SLC25A1: variants seen among roughly 807,000 people sequenced by gnomAD.
SLC25A1 encodes the protein tricarboxylate transport protein, mitochondrial.
A neutral mutation model predicts 38.1 loss-of-function variants in SLC25A1; 26 were observed. The ratio of observed to expected loss-of-function variants is 0.68; its 90% confidence interval spans 0.50 to 0.95. The LOEUF (loss-of-function observed/expected upper bound fraction) is 0.95, where lower values mean the gene tolerates loss of function less well. SLC25A1 is among the 40% of genes least tolerant of loss of function. The pLI is 0.00. For missense variants in SLC25A1, 378 were observed against 426.6 expected, an observed-to-expected ratio of 0.89 and a Z score of 1.00; for synonymous variants, 211 against 183.2, an observed-to-expected ratio of 1.15 and a Z score of -1.23.
intron 8 of SLC25A1, 84 bp downstream of exon 8, chr22:19,176,337 G>T: frequency 6.4e-7 from 1 of 1,557,024 alleles, no homozygotes; most frequent in South Asian, 1.1e-5. Flanking sequence ...AGGCACAGAG[G>T]CCTGAAGGGG....
In SLC25A1 at chr22:19,176,063, T is replaced by TTA. The variant is rs2083954366; in HGVS notation, c.*66_*67insTA. On this transcript the variant is annotated 3_prime_UTR_variant, in exon 9 of 9. Transcript: ENST00000215882. The stretch of plus-strand genomic sequence containing the variant: ...GCCTTTTGGCACTACTGCACTGGAA[T>TTA]CGTGAGACAAAGGTAGCAGGACACT... 1 of 947,576 alleles carries TTA rather than the reference T, an allele frequency of 1.1e-6. No individual in the cohort carries two copies. The highest frequency in any genetic ancestry group is 1.5e-6 in the Non-Finnish European group (1 of 665,844). 58.7% of individuals were successfully genotyped at this position (947,576 alleles called of 1,614,324 possible). A position where few individuals can be genotyped will look rare whatever the true frequency, so the allele number is the denominator to read the frequency against.
At position 19,177,929 on chromosome 22, in the gene SLC25A1, G is replaced by C; in HGVS notation, c.302+13C>G. 6.3e-7 allele frequency: 1 copy of C among 1,590,500 alleles called. No individual in the cohort carries two copies. Among genetic ancestry groups the C allele is most frequent in the South Asian group, 1.1e-5 (1 of 88,538 alleles). ...GAGCCCCCCTCCCGCAGCAGCCACC[G>C]GCCGGGCCTCACCTGACGGCCGCCT... On this transcript the variant is annotated intron_variant, in intron 3 of 8. Coordinates refer to ENST00000215882, the MANE Select transcript of SLC25A1 (RefSeq NM_005984.5).
Position 19,178,459 on chromosome 22 carries a change from A to G in SLC25A1, c.94+121T>C. The G allele has an allele frequency of 7.4e-7, 1 of 1,356,340 alleles. No individual in the cohort carries two copies. The highest frequency in any genetic ancestry group is 9.4e-7 in the Non-Finnish European group (1 of 1,060,360). The allele number at this position is 1,356,340 out of a possible 1,614,324, so 84.0% of individuals were successfully genotyped here. On this transcript the variant is annotated intron_variant, in intron 1 of 8. Coordinates refer to ENST00000215882, the MANE Select transcript of SLC25A1 (RefSeq NM_005984.5). The surrounding 1 kb of genome is among the most constrained non-coding windows in gnomAD (Gnocchi z 4.9). ...AGTCCCAGCGCGCCGGGTGGGGACCAGGACCGCGCCTCCACGACTCCCCAG... is the reference window on the plus strand; with the variant it reads ...AGTCCCAGCGCGCCGGGTGGGGACCGGGACCGCGCCTCCACGACTCCCCAG...
Position 19,176,876 on chromosome 22 carries a change from C to T in SLC25A1, c.601G>A (p.Val201Ile), listed in dbSNP as rs781963874. ...QGSNQAIRFF[V>I]MTSLRNWYRG... The stretch of plus-strand genomic sequence containing the variant: ...TACCAGTTGCGCAGGGAGGTCATGA[C>T]GAAGAAGCGGATGGCCTGGTTCGAG... The change falls in exon 6 of 9, where the codon GTC becomes ATC. Residue 201 changes from valine (V) to isoleucine (I), a missense_variant. Physicochemically the swap from Val to Ile is conservative, Grantham distance 29. Coordinates refer to ENST00000215882, the MANE Select transcript of SLC25A1 (RefSeq NM_005984.5). 20 of 1,613,738 alleles carry T rather than the reference C, an allele frequency of 1.2e-5. No homozygotes were observed. Among genetic ancestry groups the T allele is most frequent in the South Asian group, 7.7e-5 (7 of 91,088 alleles).
chr22:19,178,353 C>T lies in SLC25A1; in HGVS notation c.95-113G>A. 1 of 1,492,964 alleles carries T rather than the reference C, an allele frequency of 6.7e-7. No homozygotes were observed. Among genetic ancestry groups the T allele is most frequent in the South Asian group, 1.3e-5 (1 of 75,766 alleles). 92.5% of individuals were successfully genotyped at this position (1,492,964 alleles called of 1,614,324 possible). On this transcript the variant is annotated intron_variant, in intron 1 of 8. Coordinates refer to ENST00000215882, the MANE Select transcript of SLC25A1 (RefSeq NM_005984.5). This position sits in a 1 kb window ranked among gnomAD's most constrained non-coding sequence, Gnocchi z 4.9. ...GCCGCCGCGCCAGTGCCGCGGGGAA[C>T]ATAGGCTGGGGCCCCACGCCCCCAT... is the stretch of plus-strand genomic sequence containing the variant.
rs2083959812 is a variant in SLC25A1 at position 19,176,402 on chromosome 22, C to T, written c.821+19G>A. 1 of 1,610,852 alleles carries T rather than the reference C, an allele frequency of 6.2e-7. No homozygotes were observed. Among genetic ancestry groups the T allele is most frequent in the Non-Finnish European group, 8.5e-7 (1 of 1,177,652 alleles). On this transcript the variant is annotated intron_variant, in intron 8 of 8. Coordinates refer to ENST00000215882, the MANE Select transcript of SLC25A1 (RefSeq NM_005984.5). ...AAGGTTTGAGGTGGGGACAATAGCC[C>T]TGCCCCTCCCCCACTCACGCCTTGA...
rs781833926 is a variant in SLC25A1, at chr22:19,176,483, C to T, written c.759G>A (p.Ala253=). The change falls in exon 8 of 9, where the codon GCG becomes GCA. Residue 253 remains alanine (A), a synonymous_variant. Transcript: ENST00000215882. The part of the protein sequence containing the change: ...VIKTRMQGLE[A]HKYRNTWDCG... ...AGTCCCACGTGTTCCGGTATTTGTGCGCCTCCAGGCCCTATGGGGGACATC... is the reference window on the plus strand; with the variant it reads ...AGTCCCACGTGTTCCGGTATTTGTGTGCCTCCAGGCCCTATGGGGGACATC... The T allele has an allele frequency of 8.1e-6, 13 of 1,613,716 alleles. No homozygotes were observed. The highest frequency in any genetic ancestry group is 8.5e-6 in the Non-Finnish European group (10 of 1,180,014).
rs2083956926 is a variant in SLC25A1, at chr22:19,176,191, A to G, written c.875T>C (p.Ile292Thr). The G allele has an allele frequency of 6.2e-7, 1 of 1,613,350 alleles. No individual in the cohort carries two copies. The highest frequency in any genetic ancestry group is 1.1e-5 in the South Asian group (1 of 91,078). The change falls in exon 9 of 9, where the codon ATA becomes ACA. Residue 292 changes from isoleucine to threonine, a missense_variant. Transcript: ENST00000215882. Reference protein sequence around the residue: ...RLGRVCLDVAIVFVIYDEVVK... With the variant: ...RLGRVCLDVATVFVIYDEVVK... ...CACTTCATCATAGATGACAAACACT[A>G]TGGCCACATCCAGGCAGACCCGGCC...
intron 4 of SLC25A1, 75 bp from the exon 5 acceptor site, chr22:19,177,279 C>A: frequency 7.9e-7 from 1 of 1,264,556 alleles, no homozygotes; most frequent in Non-Finnish European, 1.1e-6. Flanking sequence ...AGGCCCAGGG[C>A]CCATCCAGGG....
Position 19,178,736 on chromosome 22 carries a change from C to T in SLC25A1, c.-63G>A. ...GTCCGAGACTCCAGAACTCCGCGCT[C>T]GGTCCGCGGTGGCGGCGGCGGCCGG... On this transcript the variant is annotated 5_prime_UTR_variant, in exon 1 of 9. Coordinates refer to ENST00000215882, the MANE Select transcript of SLC25A1 (RefSeq NM_005984.5). The surrounding 1 kb of genome is among the most constrained non-coding windows in gnomAD (Gnocchi z 4.9). 3 of 814,222 alleles carry T rather than the reference C, an allele frequency of 3.7e-6. No individual in the cohort carries two copies. The highest frequency in any genetic ancestry group is 5.3e-4 in the Middle Eastern group (1 of 1,902). The allele number at this position is 814,222 out of a possible 1,614,324, so 50.4% of individuals were successfully genotyped here. A position where few individuals can be genotyped will look rare whatever the true frequency, so the allele number is the denominator to read the frequency against.
At chr22:19,177,388 G>C (rs918578443) in intron 4 of SLC25A1, among the ~76,000 whole-genome samples, 184 bp from the exon 5 acceptor site, 1 of 150,758 alleles carries the variant, frequency 6.6e-6, no homozygotes, top group African/African-American at 2.4e-5. Context: ...CAGCCCACAC[G>C]GACCATGCTC....
Position 19,176,028 on chromosome 22 carries a change from G to A in SLC25A1, c.*102C>T, listed in dbSNP as rs1555922154. The A allele has an allele frequency of 4.5e-5, 41 of 905,716 alleles. No individual in the cohort carries two copies. Among genetic ancestry groups the A allele is most frequent in the Non-Finnish European group, 3.6e-5 (20 of 549,668 alleles). 56.1% of individuals were successfully genotyped at this position (905,716 alleles called of 1,614,324 possible). A position where few individuals can be genotyped will look rare whatever the true frequency, so the allele number is the denominator to read the frequency against. The stretch of plus-strand genomic sequence containing the variant: ...GACCAGGCTACAGAGCTCGAGGGAC[G>A]TGGGAAGGGGCCTTTTGGCACTACT... On this transcript the variant is annotated 3_prime_UTR_variant, in exon 9 of 9. Transcript: ENST00000215882.
chr22:19,177,034 C>T, intron 5 of SLC25A1, 84 bp from the exon 6 acceptor site: 1 of 1,587,486 alleles, frequency 6.3e-7, no homozygotes, highest in East Asian at 2.2e-5. Context: ...GGGTGTTGCA[C>T]AAAGCCCAAG....
At position 19,178,147 on chromosome 22, in the gene SLC25A1, C is replaced by T. The variant is rs1555923271; in HGVS notation, c.188G>A (p.Arg63Gln). 6.5e-7 allele frequency: 1 copy of T among 1,545,742 alleles called. No individual in the cohort carries two copies. The highest frequency in any genetic ancestry group is 1.2e-5 in the South Asian group (1 of 83,694). Residue 63 changes from arginine (R) to glutamine (Q), a missense_variant, in exon 2 of 9, where the codon CGG becomes CAG. Arg to Gln is a conservative substitution (Grantham distance 43, BLOSUM62 1). Transcript: ENST00000215882. This position sits in a 1 kb window ranked among gnomAD's most constrained non-coding sequence, Gnocchi z 4.9. ...CCCCTCCTCACCGATGCCCCGGTAC[C>T]GCGGCGGGTGCGAGCGCTCGTCCAG... Reference protein sequence around the residue: ...LQLDERSHPPRYRGIGDCVRQ... With the variant: ...LQLDERSHPPQYRGIGDCVRQ...
In SLC25A1 at chr22:19,178,304, C is replaced by T. The variant is rs1555923389; in HGVS notation, c.95-64G>A. Reference sequence around the variant, plus strand: ...GGCCGCTGGCGCTCGGGCCCCTCCCCCGTCCCGGACTTCGGTCGGCGCGGC... The same window carrying T: ...GGCCGCTGGCGCTCGGGCCCCTCCCTCGTCCCGGACTTCGGTCGGCGCGGC... On this transcript the variant is annotated intron_variant, in intron 1 of 8. Transcript: ENST00000215882. The surrounding 1 kb of genome is among the most constrained non-coding windows in gnomAD (Gnocchi z 4.9). The T allele has an allele frequency of 1.0e-5, 16 of 1,531,500 alleles. No individual in the cohort carries two copies. The highest frequency in any genetic ancestry group is 3.8e-4 in the Middle Eastern group (2 of 5,284). The allele number at this position is 1,531,500 out of a possible 1,614,324, so 94.9% of individuals were successfully genotyped here.
intron 5 of SLC25A1, 83 bp from the exon 6 acceptor site, chr22:19,177,033 A>C: frequency 1.3e-6 from 2 of 1,584,796 alleles, no homozygotes; most frequent in Non-Finnish European, 1.7e-6. Flanking sequence ...TGGGTGTTGC[A>C]CAAAGCCCAA....
At position 19,175,892 on chromosome 22, in the gene SLC25A1, T is replaced by TTCA; in HGVS notation, c.*237_*238insTGA. The TTCA allele has an allele frequency of 1.7e-6, 1 of 579,692 alleles. No individual in the cohort carries two copies. The highest frequency in any genetic ancestry group is 3.1e-6 in the Non-Finnish European group (1 of 319,878). 35.9% of individuals were successfully genotyped at this position (579,692 alleles called of 1,614,324 possible). Reference sequence around the variant, plus strand: ...CAGAACATGAAACACAGGCACAGGGTCATAGGCCAGATGCACATCCAGCCA... The same window carrying TTCA: ...CAGAACATGAAACACAGGCACAGGGTTCACATAGGCCAGATGCACATCCAGCCA... On this transcript the variant is annotated 3_prime_UTR_variant, in exon 9 of 9. Coordinates refer to ENST00000215882, the MANE Select transcript of SLC25A1 (RefSeq NM_005984.5).
In SLC25A1 at chr22:19,176,017, G is replaced by T; in HGVS notation, c.*113C>A. ...CACAATGCACAGACCAGGCTACAGA[G>T]CTCGAGGGACGTGGGAAGGGGCCTT... On this transcript the variant is annotated 3_prime_UTR_variant, in exon 9 of 9. Transcript: ENST00000215882. The T allele has an allele frequency of 1.2e-6, 1 of 810,706 alleles. No homozygotes were observed. Among genetic ancestry groups the T allele is most frequent in the Non-Finnish European group, 2.1e-6 (1 of 474,526 alleles). 50.2% of individuals were successfully genotyped at this position (810,706 alleles called of 1,614,324 possible). A position where few individuals can be genotyped will look rare whatever the true frequency, so the allele number is the denominator to read the frequency against.
rs1009984054 is a variant in SLC25A1, at chr22:19,176,015, G to C, written c.*115C>G. ...GCCACAATGCACAGACCAGGCTACA[G>C]AGCTCGAGGGACGTGGGAAGGGGCC... On this transcript the variant is annotated 3_prime_UTR_variant, in exon 9 of 9. Transcript: ENST00000215882. 9 of 796,916 alleles carry C rather than the reference G, an allele frequency of 1.1e-5. No individual in the cohort carries two copies. The highest frequency in any genetic ancestry group is 1.9e-5 in the Non-Finnish European group (9 of 463,704). The allele number at this position is 796,916 out of a possible 1,614,324, so 49.4% of individuals were successfully genotyped here.
Sources: gnomAD v4.1 joint callset for allele counts (sites outside exome capture counted in the v4.1 genomes callset) on GRCh38, gnomAD v4.1.1 for gene constraint, Gnocchi (gnomAD v3.1) non-coding constraint, MANE v1.5 for transcripts, NCBI Gene and HGNC (gene_info 2026-07-23, HGNC 2026-07-21) for gene names.